TRPM4: variants seen among roughly 807,000 people sequenced by gnomAD.
The protein encoded by TRPM4 is calcium-activated non-selective cation channel 1.
Under a neutral mutation model 135.6 loss-of-function variants are expected in TRPM4, and 124 were observed. That is an observed-to-expected ratio of 0.91 (90% CI 0.79 to 1.06). The LOEUF is 1.06. Among genes scored for constraint, TRPM4 ranks in the 50% least tolerant of loss-of-function variants. TRPM4 has a pLI of 0.00. For missense variants in TRPM4, 1,658 were observed against 1,671.4 expected (o/e 0.99, Z 0.14); for synonymous variants, 745 against 705.6 (o/e 1.06, Z -0.88).
chr19:49,208,682 A>G (rs928993585), intron 20 of TRPM4, among the ~76,000 whole-genome samples: 3 of 152,144 alleles, frequency 2.0e-5, no homozygotes, highest in African/African-American at 4.8e-5. Flanking sequence ...TATATCTAGT[A>G]TAACTCTTGT....
Position 49,168,581 on chromosome 19 carries a change from G to T in TRPM4, c.641G>T (p.Arg214Leu), listed in dbSNP as rs145878044. The change falls in exon 6 of 25, where the codon CGC becomes CTC. Residue 214 changes from arginine (R) to leucine (L), a missense_variant. By Grantham distance (102) the Arg-to-Leu change is moderately radical. Transcript: ENST00000252826. ...KGSFPARYRW[R>L]GDPEDGVQFP... ...TCGTTCCCTGCGAGGTACCGGTGGC[G>T]CGGTGACCCGGAGGACGGGGTCCAG... 1.9e-6 allele frequency: 3 copies of T among 1,613,674 alleles called. No individual in the cohort carries two copies. In the African/African-American group the frequency reaches 4.0e-5, roughly 22 times the overall value.
chr19:49,206,729 G>A (rs1235377548), intron 20 of TRPM4, among the ~76,000 whole-genome samples: 3 of 152,048 alleles, frequency 2.0e-5, no homozygotes, highest in African/African-American at 7.2e-5. Context: ...GTGAGCCACC[G>A]CGCCCGGCCA....
At chr19:49,180,440 G>C (rs1305601669) in intron 9 of TRPM4, among the ~76,000 whole-genome samples, 2 of 136,724 alleles carry the variant, frequency 1.5e-5, no homozygotes, top group Middle Eastern at 7.2e-3. Flanking sequence ...GTGTGTGTGT[G>C]TGTGTGTGTG....
chr19:49,181,535 T>A, intron 10 of TRPM4, 74 bp downstream of exon 10: 2 of 843,184 alleles, frequency 2.4e-6, no homozygotes, highest in Non-Finnish European at 1.7e-6. Context: ...GCCTTCTTTT[T>A]TTTTTTTTTT....
Position 49,196,446 on chromosome 19 carries a change from G to T in TRPM4, c.2217G>T (p.Ala739=). 1 of 1,541,492 alleles carries T rather than the reference G, an allele frequency of 6.5e-7. No homozygotes were observed. Among genetic ancestry groups the T allele is most frequent in the Non-Finnish European group, 8.7e-7 (1 of 1,147,076 alleles). Residue 739 remains alanine (A), a synonymous_variant, in exon 17 of 25, where the codon GCG becomes GCT. Coordinates refer to ENST00000252826, the MANE Select transcript of TRPM4 (RefSeq NM_017636.4). ...VINGEGPVGT[A]DPAEKTPLGV... The stretch of plus-strand genomic sequence containing the variant: ...CTCTTCTCTTCCCCCACAGGACGGC[G>T]GACCCAGCCGAGAAGACGCCGCTGG...
chr19:49,203,320 C>T (rs1016661913), intron 20 of TRPM4, among the ~76,000 whole-genome samples: 2 of 152,032 alleles, frequency 1.3e-5, no homozygotes, highest in African/African-American at 4.8e-5. Flanking sequence ...GCTAGGACTA[C>T]AGGCGTGCGC....
At chr19:49,180,948 C>T (rs2122910119) in intron 9 of TRPM4, among the ~76,000 whole-genome samples, 1 of 152,132 alleles carries the variant, frequency 6.6e-6, no homozygotes, top group East Asian at 1.9e-4. Context: ...TATTATATGC[C>T]TACCTCTGAG....
chr19:49,158,348 C>T (rs765940410), intron 2 of TRPM4, 89 bp downstream of exon 2: 13 of 1,234,082 alleles, frequency 1.1e-5, no homozygotes, highest in Non-Finnish European at 1.4e-5. Flanking sequence ...CTGCTCCTTC[C>T]CCATTCCTGG....
intron 19 of TRPM4, among the ~76,000 whole-genome samples, chr19:49,201,049 G>A (rs907406844): frequency 3.0e-5 from 4 of 132,980 alleles, no homozygotes; most frequent in East Asian, 2.1e-4. Context: ...TGTTTATTTT[G>A]TGGTGTCGTA....
chr19:49,210,882 G>A lies in TRPM4; in HGVS notation c.3461+40G>A. The A allele has an allele frequency of 1.3e-6, 2 of 1,595,522 alleles. No homozygotes were observed. The highest frequency in any genetic ancestry group is 2.3e-5 in the South Asian group (2 of 88,566). On this transcript the variant is annotated intron_variant, in intron 22 of 24. Transcript: ENST00000252826. This position sits in a 1 kb window ranked among gnomAD's most constrained non-coding sequence, Gnocchi z 4.1. ...TGGTCGGGGATGGGGCTTCTGGCCT[G>A]GGGCGGATCCTGACTTCAGCTGAAG...
chr19:49,198,971 A>G (rs1033721118), intron 17 of TRPM4, among the ~76,000 whole-genome samples: 1 of 152,090 alleles, frequency 6.6e-6, no homozygotes, highest in Non-Finnish European at 1.5e-5. Flanking sequence ...CAAAGGGTAC[A>G]TTTATTTTTG....
intron 14 of TRPM4, 142 bp downstream of exon 14, chr19:49,189,233 C>A: frequency 7.9e-7 from 1 of 1,264,912 alleles, no homozygotes; most frequent in Non-Finnish European, 1.1e-6. Context: ...TCTCTTCTCT[C>A]TCAGAAAGGC....
intron 17 of TRPM4, among the ~76,000 whole-genome samples, chr19:49,197,364 C>CTCTCTCTCTT (rs1555761744): frequency 5.0e-4 from 36 of 72,696 alleles, no homozygotes; most frequent in African/African-American, 2.0e-3. Flanking sequence ...TTCTTTCTTT[C>CTCTCTCTCTT]TCTCTCTTTC....
chr19:49,210,822 T>C lies in TRPM4; in HGVS notation c.3441T>C (p.Arg1147=), dbSNP rs1600546234. Reference sequence around the variant, plus strand: ...ACAAGCGGGAGAGCGACTCCGAGCGTCTGAAGCGCACGTCCCAGAAGTGAG... The same window carrying C: ...ACAAGCGGGAGAGCGACTCCGAGCGCCTGAAGCGCACGTCCCAGAAGTGAG... ...ARDKRESDSE[R]LKRTSQKVDL... The change falls in exon 22 of 25, where the codon CGT becomes CGC. Residue 1147 remains arginine (R), a synonymous_variant. Coordinates refer to ENST00000252826, the MANE Select transcript of TRPM4 (RefSeq NM_017636.4). This position sits in a 1 kb window ranked among gnomAD's most constrained non-coding sequence, Gnocchi z 4.1. 1.6e-5 allele frequency: 26 copies of C among 1,612,508 alleles called. No individual in the cohort carries two copies. The highest frequency in any genetic ancestry group is 2.1e-5 in the Non-Finnish European group (25 of 1,179,594).
chr19:49,206,303 G>A (rs1969148873), intron 20 of TRPM4, among the ~76,000 whole-genome samples: 1 of 152,036 alleles, frequency 6.6e-6, no homozygotes, highest in African/African-American at 2.4e-5. Context: ...TTTTGACATT[G>A]GAAGTATGAG....
At chr19:49,182,479 TCCA>T (rs1436376962) in intron 10 of TRPM4, 96 bp from the exon 11 acceptor site, 11 of 876,254 alleles carry the variant, frequency 1.3e-5, no homozygotes, top group Non-Finnish European at 2.0e-5. Context: ...CATCCATCCA[TCCA>T]TCCATCCATC....
intron 5 of TRPM4, 55 bp from the exon 6 acceptor site, chr19:49,168,498 T>A: frequency 6.2e-7 from 1 of 1,613,650 alleles, no homozygotes; most frequent in Non-Finnish European, 8.5e-7. Context: ...GGGGCTCGTG[T>A]TTGTCCTTCT....
rs1462854124 is a variant in TRPM4, at chr19:49,200,397, C to G, written c.2743C>G (p.Gln915Glu). The G allele has an allele frequency of 6.2e-7, 1 of 1,613,330 alleles. No homozygotes were observed. Among genetic ancestry groups the G allele is most frequent in the East Asian group, 2.2e-5 (1 of 44,878 alleles). ...RLLHIFTVNK[Q>E]LGPKIVIVSK... ...GCTTCACATCTTCACGGTCAACAAA[C>G]AGCTGGGGCCCAAGATCGTCATCGT... is the stretch of plus-strand genomic sequence containing the variant. Residue 915 changes from glutamine to glutamate, a missense_variant, in exon 18 of 25, where the codon CAG becomes GAG. Physicochemically the swap from Gln to Glu is conservative, Grantham distance 29. Around this residue, in one of 3 missense-constraint regions of TRPM4, gnomAD observed 1,412 missense variants for 1,408.7 expected, o/e 1.00. Transcript: ENST00000252826.
At chr19:49,194,710 TTTTC>T (rs1020691392) in intron 16 of TRPM4, among the ~76,000 whole-genome samples, 5 of 129,628 alleles carry the variant, frequency 3.9e-5, no homozygotes, top group Admixed American at 1.6e-4. Context: ...CCTCCCTCTC[TTTTC>T]TTTCTTTCTC....
Sources: gnomAD v4.1 joint callset for allele counts (sites outside exome capture counted in the v4.1 genomes callset) on GRCh38, gnomAD v4.1.1 for gene constraint, gnomAD v4.1.1 regional missense constraint, Gnocchi (gnomAD v3.1) non-coding constraint, MANE v1.5 for transcripts, NCBI Gene and HGNC (gene_info 2026-07-23, HGNC 2026-07-21) for gene names.